The following KLHL24 variants were observed in gnomAD, a reference collection of about 807,000 sequenced individuals.
KLHL24 encodes kelch like family member 24, also known as kelch-like protein 24.
Under a neutral mutation model 53.4 loss-of-function variants are expected in KLHL24, and 29 were observed. That is an observed-to-expected ratio of 0.54 (90% CI 0.40 to 0.74). The LOEUF is 0.74. Among genes scored for constraint, KLHL24 ranks in the 30% least tolerant of loss-of-function variants. The pLI, the probability that KLHL24 is intolerant of heterozygous loss-of-function variation, is 0.00. For synonymous variants in KLHL24, 222 were observed against 253.7 expected (o/e 0.88, Z 1.19); for missense variants, 504 against 744.0 (o/e 0.68, Z 3.75).
At chr3:183,654,439 ATTTAT>A (rs1490696362) in intron 3 of KLHL24, among the ~76,000 whole-genome samples, 9 of 151,652 alleles carry the variant, frequency 5.9e-5, no homozygotes, top group Non-Finnish European at 1.2e-4. Flanking sequence ...TCATTCATTC[ATTTAT>A]ATTTCTTTTT....
intron 2 of KLHL24, among the ~76,000 whole-genome samples, chr3:183,644,836 G>A (rs528970245): frequency 1.3e-5 from 2 of 152,172 alleles, no homozygotes; most frequent in South Asian, 4.1e-4. Context: ...TTTTCTACTT[G>A]TCCATTCTAG....
intron 5 of KLHL24, 77 bp downstream of exon 5, chr3:183,665,116 T>G: frequency 1.3e-6 from 1 of 767,476 alleles, no homozygotes. Context: ...TTCATTTTAC[T>G]CACCCTCTGG....
At chr3:183,656,389 T>G (rs1045857683) in intron 3 of KLHL24, among the ~76,000 whole-genome samples, 1 of 152,138 alleles carries the variant, frequency 6.6e-6, no homozygotes, top group Non-Finnish European at 1.5e-5. Context: ...TCTTCCTGAC[T>G]CCCCAACATA....
At chr3:183,672,645 A>G in intron 7 of KLHL24, 161 bp downstream of exon 7, 1 of 423,726 alleles carries the variant, frequency 2.4e-6, no homozygotes. Context: ...TGGATAGATC[A>G]CTTGAGGTCA....
chr3:183,661,056 C>G (rs1039562231), intron 3 of KLHL24, among the ~76,000 whole-genome samples: 1 of 65,752 alleles, frequency 1.5e-5, no homozygotes, highest in Non-Finnish European at 2.7e-5. Context: ...CAGAGCGAGA[C>G]TCCGTCTCAA....
chr3:183,666,378 T>A (rs1720563954), intron 5 of KLHL24, among the ~76,000 whole-genome samples: 2 of 152,196 alleles, frequency 1.3e-5, no homozygotes, highest in South Asian at 4.2e-4. Context: ...CCCTTCTACG[T>A]CAGCCTCCCA....
At chr3:183,657,127 A>G (rs1298937267) in intron 3 of KLHL24, among the ~76,000 whole-genome samples, 1 of 152,166 alleles carries the variant, frequency 6.6e-6, no homozygotes. Context: ...AGCACCTACC[A>G]TAATGATTCC....
rs1205246200 is a variant in KLHL24 at position 183,672,376 on chromosome 3, A to G, written c.1494A>G (p.Val498=). The G allele has an allele frequency of 4.3e-6, 7 of 1,613,380 alleles. No individual in the cohort carries two copies. The East Asian group carries it at 1.6e-4, about 36-fold the overall frequency. ...IPIAKRCITA[V]SLNNLIYVAG... ...TTGCCAAAAGGTGTATAACAGCTGTATCCCTAAACAACCTGATCTATGTTG... is the reference window on the plus strand; with the variant it reads ...TTGCCAAAAGGTGTATAACAGCTGTGTCCCTAAACAACCTGATCTATGTTG... Residue 498 remains valine (V), a synonymous_variant, in exon 7 of 8, where the codon GTA becomes GTG. Transcript: ENST00000242810.
intron 4 of KLHL24, 51 bp from the exon 5 acceptor site, chr3:183,664,870 G>T: frequency 1.0e-6 from 1 of 995,758 alleles, no homozygotes; most frequent in South Asian, 1.8e-5. Context: ...ATCTCTTGGT[G>T]ACAGCTATAT....
intron 7 of KLHL24, among the ~76,000 whole-genome samples, chr3:183,676,375 C>T (rs1480623324): frequency 6.6e-6 from 1 of 152,190 alleles, no homozygotes; most frequent in African/African-American, 2.4e-5. Flanking sequence ...GGATTACAGG[C>T]ATGAGCCACG....
chr3:183,662,792 T>C (rs1719991167), intron 3 of KLHL24, among the ~76,000 whole-genome samples: 1 of 152,318 alleles, frequency 6.6e-6, no homozygotes, highest in African/African-American at 2.4e-5. Context: ...AGCATTTTGG[T>C]ATATTCTTTC....
chr3:183,679,162 A>C lies in KLHL24; in HGVS notation c.1679A>C (p.Asp560Ala), dbSNP rs770801983. 1 of 1,614,028 alleles carries C rather than the reference A, an allele frequency of 6.2e-7. No individual in the cohort carries two copies. Among genetic ancestry groups the C allele is most frequent in the Non-Finnish European group, 8.5e-7 (1 of 1,179,906 alleles). Residue 560 changes from aspartate (D) to alanine (A), a missense_variant, in exon 8 of 8, where the codon GAC becomes GCC. Asp to Ala is a moderately radical substitution (Grantham distance 126). Coordinates refer to ENST00000242810, the MANE Select transcript of KLHL24 (RefSeq NM_017644.3). The stretch of plus-strand genomic sequence containing the variant: ...AGACGGGAAAATGGAGAAGCCACAG[A>C]CACTATTCTCTGTTATGATCCTGCA... ...GGRRENGEAT[D>A]TILCYDPATS...
chr3:183,654,213 G>A (rs1188671223), intron 3 of KLHL24, among the ~76,000 whole-genome samples: 1 of 152,062 alleles, frequency 6.6e-6, no homozygotes, highest in East Asian at 1.9e-4. Context: ...TTGGCTTCTG[G>A]AATGCCATTC....
intron 3 of KLHL24, among the ~76,000 whole-genome samples, chr3:183,657,364 C>A (rs1226438069): frequency 6.6e-6 from 1 of 152,146 alleles, no homozygotes; most frequent in Non-Finnish European, 1.5e-5. Context: ...ATAAGTTCAT[C>A]ATTTTGAGGT....
chr3:183,671,124 C>T lies in KLHL24; in HGVS notation c.1315C>T (p.Pro439Ser). ...TTCAAATCGATGGACTGAAGTTGCT[C>T]CCCTTAAGGAAGCCGTGAGTTCTCC... ...SFSNRWTEVA[P>S]LKEAVSSPAV... Residue 439 changes from proline to serine, a missense_variant, in exon 6 of 8, where the codon CCC becomes TCC. Transcript: ENST00000242810. 1 of 1,613,940 alleles carries T rather than the reference C, an allele frequency of 6.2e-7. No homozygotes were observed. The highest frequency in any genetic ancestry group is 1.3e-5 in the African/African-American group (1 of 74,986).
Position 183,665,885 on chromosome 3 carries a change from C to CTTTTTT in KLHL24, c.1224+855_1224+860dup, listed in dbSNP as rs10692613. ...TGTCTGTAGGAACCTGAGAATCAAA[C>CTTTTTT]TTTTTTTTTTTTTTGAGACAAGGTC... is the stretch of plus-strand genomic sequence containing the variant. On this transcript the variant is annotated intron_variant, in intron 5 of 7. Coordinates refer to ENST00000242810, the MANE Select transcript of KLHL24 (RefSeq NM_017644.3). Among the ~76,000 whole-genome samples the CTTTTTT allele has an allele frequency of 9.1e-3, 1,305 of 142,952 alleles. 35 individuals carry two copies. Among genetic ancestry groups the CTTTTTT allele is most frequent in the African/African-American group, 0.031 (1,170 of 38,332 alleles). The allele number at this position is 142,952 out of a possible 152,430, so 93.8% of individuals were successfully genotyped here. A position where few individuals can be genotyped will look rare whatever the true frequency, so the allele number is the denominator to read the frequency against.
intron 7 of KLHL24, chr3:183,672,708 A>T: frequency 3.9e-6 from 1 of 256,512 alleles, no homozygotes; most frequent in Non-Finnish European, 7.4e-6. Context: ...CTACTAAAAA[A>T]TTATGGCCAG....
chr3:183,642,299 G>T (rs528614884), intron 1 of KLHL24, among the ~76,000 whole-genome samples: 1 of 151,922 alleles, frequency 6.6e-6, no homozygotes, highest in African/African-American at 2.4e-5. Context: ...TTTTACCAAG[G>T]GTACATACAA....
intron 2 of KLHL24, among the ~76,000 whole-genome samples, chr3:183,646,791 T>C (rs1210678439): frequency 6.6e-6 from 1 of 152,026 alleles, no homozygotes; most frequent in Admixed American, 6.6e-5. Flanking sequence ...TTATGTTGTT[T>C]GAATATGTTT....
Sources: allele counts gnomAD v4.1 joint callset (sites outside exome capture counted in the v4.1 genomes callset), GRCh38; gene constraint gnomAD v4.1.1; transcripts MANE v1.5; gene names NCBI Gene and HGNC (gene_info 2026-07-23, HGNC 2026-07-21).